SLC36A1: variants seen among roughly 807,000 people sequenced by gnomAD.
SLC36A1 encodes solute carrier family 36 member 1.
A neutral mutation model predicts 47.5 loss-of-function variants in SLC36A1; 30 were observed. The ratio of observed to expected loss-of-function variants is 0.63; its 90% CI spans 0.47 to 0.86. The LOEUF is 0.86. Ranked by LOEUF, SLC36A1 falls within the 40% of genes least tolerant of loss-of-function variation. The probability of loss-of-function intolerance (pLI) is 0.00; values close to 1 mark genes in which losing one functional copy is unlikely to be tolerated. For missense variants in SLC36A1, 517 were observed against 606.0 expected (o/e 0.85, Z 1.54); for synonymous variants, 255 against 249.7 (o/e 1.02, Z -0.20).
At chr5:151,519,000 AAGG>A in the SLC36A1 span, among the ~76,000 whole-genome samples, 2 of 152,192 alleles carry the variant, frequency 1.3e-5, no homozygotes, top group African/African-American at 2.4e-5. Context: ...CAAAAGCCAA[AAGG>A]AGGAGAAGAA....
At chr5:151,381,923 C>G in the SLC36A1 span, 4 of 354,228 alleles carry the variant, frequency 1.1e-5, no homozygotes, top group African/African-American at 2.1e-5. Context: ...TCGCAATTCC[C>G]TTGTCTTGAT....
At chr5:151,509,056 C>A in the SLC36A1 span, among the ~76,000 whole-genome samples, 2 of 152,148 alleles carry the variant, frequency 1.3e-5, no homozygotes, top group African/African-American at 2.4e-5. Flanking sequence ...GACAGTTTCC[C>A]TTGCAACTGC....
the SLC36A1 span, chr5:151,537,700 C>T: frequency 7.8e-7 from 1 of 1,286,092 alleles, no homozygotes. Context: ...TGAGTGAATT[C>T]CTGTTTCTTC....
the SLC36A1 span, among the ~76,000 whole-genome samples, chr5:151,537,343 GAAAAGAAAA>G: frequency 0.27 from 36,186 of 133,024 alleles, 5,491 homozygotes; most frequent in Middle Eastern, 0.4. Flanking sequence ...GAAAAGAAAA[GAAAAGAAAA>G]AAGAAGGAAG....
the SLC36A1 span, among the ~76,000 whole-genome samples, chr5:151,364,739 T>C: frequency 1.3e-5 from 2 of 152,140 alleles, no homozygotes; most frequent in Non-Finnish European, 2.9e-5. Context: ...CCCATGTAAC[T>C]GGAAAGCACA....
At chr5:151,505,936 G>A in the SLC36A1 span, 1 of 1,584,266 alleles carries the variant, frequency 6.3e-7, no homozygotes, top group Non-Finnish European at 8.6e-7. Flanking sequence ...AGGGGGAAGG[G>A]GAAGCCCCCA....
the SLC36A1 span, among the ~76,000 whole-genome samples, chr5:151,402,089 G>A: frequency 1.3e-5 from 2 of 152,142 alleles, no homozygotes; most frequent in African/African-American, 4.8e-5. Flanking sequence ...AATGCTTTCG[G>A]CTTTTGCCCA....
chr5:151,554,273 G>A, the SLC36A1 span: 2 of 1,210,102 alleles, frequency 1.7e-6, no homozygotes, highest in Non-Finnish European at 2.3e-6. Flanking sequence ...CCTTATGCTG[G>A]TGGGCTGTCT....
At chr5:151,498,616 G>A in the SLC36A1 span, among the ~76,000 whole-genome samples, 58,377 of 151,966 alleles carry the variant, frequency 0.38, 14,752 homozygotes, top group African/African-American at 0.73. Context: ...CACTGAGCAC[G>A]GCACATTTCC....
intron 1 of SLC36A1, among the ~76,000 whole-genome samples, chr5:151,453,807 C>T (rs1398891038): frequency 6.6e-6 from 1 of 151,370 alleles, no homozygotes; most frequent in Non-Finnish European, 1.5e-5. Context: ...TAGAATTCCC[C>T]TTAAAATTGC....
chr5:151,479,833 G>A (rs1048563102), intron 10 of SLC36A1: 1 of 537,572 alleles, frequency 1.9e-6, no homozygotes, highest in African/African-American at 1.9e-5. Context: ...TCTGTAATGA[G>A]TATAAGTTAC....
intron 5 of SLC36A1, among the ~76,000 whole-genome samples, chr5:151,466,741 G>T (rs1341112795): frequency 6.6e-6 from 1 of 152,198 alleles, no homozygotes; most frequent in African/African-American, 2.4e-5. Context: ...TAGGTGGGCA[G>T]ATGTGTAGAG....
the SLC36A1 span, among the ~76,000 whole-genome samples, chr5:151,372,058 G>T: frequency 6.6e-6 from 1 of 152,108 alleles, no homozygotes; most frequent in Non-Finnish European, 1.5e-5. Context: ...CCCATCTCTG[G>T]CAATGTTCAA....
the SLC36A1 span, chr5:151,531,756 G>A: frequency 4.9e-3 from 7,934 of 1,608,774 alleles, 32 homozygotes; most frequent in Middle Eastern, 0.012. The surrounding 1 kb of genome is among the most constrained non-coding windows in gnomAD (Gnocchi z 5.7). Context: ...ACACGGGCAG[G>A]TAGTCTTCTA....
At chr5:151,373,021 G>C in the SLC36A1 span, among the ~76,000 whole-genome samples, 4 of 151,924 alleles carry the variant, frequency 2.6e-5, no homozygotes, top group Non-Finnish European at 5.9e-5. Flanking sequence ...AGACCAGCCT[G>C]GGCGACACAG....
the SLC36A1 span, among the ~76,000 whole-genome samples, chr5:151,422,881 G>A: frequency 9.7e-3 from 1,471 of 152,242 alleles, 18 homozygotes; most frequent in African/African-American, 0.034. Context: ...GGCAGAGGTT[G>A]CAGTGAGCTG....
At chr5:151,534,599 A>T in the SLC36A1 span, 1 of 1,613,710 alleles carries the variant, frequency 6.2e-7, no homozygotes, top group African/African-American at 1.3e-5. Context: ...GGTTGAACAC[A>T]TCCTTCCTTT....
the SLC36A1 span, among the ~76,000 whole-genome samples, chr5:151,370,330 G>A: frequency 3.3e-5 from 5 of 152,154 alleles, no homozygotes; most frequent in South Asian, 1.0e-3. Flanking sequence ...CTCATGCAAT[G>A]CTGCATATTA....
At chr5:151,410,270 C>A in the SLC36A1 span, among the ~76,000 whole-genome samples, 60,428 of 130,570 alleles carry the variant, frequency 0.46, 17,768 homozygotes, top group African/African-American at 0.73. Context: ...TCAATGAATT[C>A]ATTCATTCAT....
Sources: gnomAD v4.1 joint callset for allele counts (sites outside exome capture counted in the v4.1 genomes callset) on GRCh38, gnomAD v4.1.1 for gene constraint, Gnocchi (gnomAD v3.1) non-coding constraint, MANE v1.5 for transcripts, NCBI Gene and HGNC (gene_info 2026-07-23, HGNC 2026-07-21) for gene names.